SMYD3: variants seen among roughly 807,000 people sequenced by gnomAD.
SMYD3 encodes histone-lysine N-methyltransferase SMYD3.
A neutral mutation model predicts 57.7 loss-of-function variants in SMYD3; 36 were observed. The observed-to-expected ratio is 0.62, with a 90% CI of 0.48 to 0.82. The LOEUF (loss-of-function observed/expected upper bound fraction) is 0.82. SMYD3 is among the 40% of genes least tolerant of loss of function. The pLI, the probability that SMYD3 is intolerant of heterozygous loss-of-function variation, is 0.00. For synonymous variants in SMYD3, 211 were observed against 195.0 expected (o/e 1.08, Z -0.68); for missense variants, 515 against 538.8 (o/e 0.96, Z 0.44).
chr1:246,312,939 G>A (rs946156538), intron 5 of SMYD3, among the ~76,000 whole-genome samples: 4 of 151,984 alleles, frequency 2.6e-5, no homozygotes, highest in Admixed American at 1.3e-4. Flanking sequence ...TTTTGAGACC[G>A]AGTCTCGCTC....
At chr1:246,022,076 T>G (rs2059481368) in intron 5 of SMYD3, among the ~76,000 whole-genome samples, 1 of 152,180 alleles carries the variant, frequency 6.6e-6, no homozygotes, top group Admixed American at 6.5e-5. Context: ...CTGTGGTCCT[T>G]CGTTAAACAA....
At chr1:246,102,753 A>AT (rs1485067822) in intron 5 of SMYD3, among the ~76,000 whole-genome samples, 219 of 150,856 alleles carry the variant, frequency 1.5e-3, no homozygotes, top group African/African-American at 5.1e-3. Flanking sequence ...CAAAAAAAAA[A>AT]AAAATAATAA....
intron 5 of SMYD3, among the ~76,000 whole-genome samples, chr1:246,091,753 G>A (rs74154363): frequency 6.6e-6 from 1 of 152,196 alleles, no homozygotes; most frequent in African/African-American, 2.4e-5. Flanking sequence ...ATATAGTGCC[G>A]ACAGGTATGA....
chr1:245,848,353 C>G (rs970427570), intron 10 of SMYD3, among the ~76,000 whole-genome samples: 2 of 152,074 alleles, frequency 1.3e-5, no homozygotes, highest in Admixed American at 1.3e-4. Context: ...ATCCTGGGCT[C>G]AAGTGATCTG....
chr1:246,035,022 G>T (rs551224081), intron 5 of SMYD3, among the ~76,000 whole-genome samples: 59 of 152,184 alleles, frequency 3.9e-4, no homozygotes, highest in African/African-American at 1.2e-3. Flanking sequence ...ATAAAATTAG[G>T]AGGAAAGCCT....
chr1:246,166,181 T>C (rs1009599229), intron 5 of SMYD3, among the ~76,000 whole-genome samples: 1 of 152,190 alleles, frequency 6.6e-6, no homozygotes, highest in Non-Finnish European at 1.5e-5. Context: ...GTCATGCTTC[T>C]GGGCAACTTG....
chr1:246,124,852 T>C (rs1038576635), intron 5 of SMYD3, among the ~76,000 whole-genome samples: 2 of 151,980 alleles, frequency 1.3e-5, no homozygotes, highest in African/African-American at 2.4e-5. Context: ...AAACAAAATC[T>C]GGGCGGATCA....
chr1:245,922,953 T>C (rs12562426), intron 7 of SMYD3, among the ~76,000 whole-genome samples: 19,290 of 152,204 alleles, frequency 0.13, 1,504 homozygotes, highest in East Asian at 0.41. Flanking sequence ...TTGGGTTTTG[T>C]TTTTTGTTTT....
chr1:245,840,920 A>G (rs2050371314), intron 10 of SMYD3, among the ~76,000 whole-genome samples: 2 of 152,216 alleles, frequency 1.3e-5, no homozygotes, highest in Non-Finnish European at 2.9e-5. Flanking sequence ...GAAGCAGTGC[A>G]GAGAGCCAAG....
chr1:246,327,291 G>T lies in SMYD3; in HGVS notation c.441C>A (p.Leu147=). ...TCATGAAATGTTGAAATGTCATTAC[G>T]AGTTGCCTGAGGCCCTCTTTCTTAT... ...TEDKKEGLRQ[L]VMTFQHFMRE... is the part of the protein sequence containing the mutation. Residue 147 remains leucine, a synonymous_variant, in exon 5 of 12, where the codon CTC becomes CTA. Transcript: ENST00000490107. 6.2e-7 allele frequency: 1 copy of T among 1,613,942 alleles called. No homozygotes were observed. The highest frequency in any genetic ancestry group is 8.5e-7 in the Non-Finnish European group (1 of 1,179,890).
chr1:246,167,518 T>C (rs1380751470), intron 5 of SMYD3, among the ~76,000 whole-genome samples: 2 of 151,394 alleles, frequency 1.3e-5, no homozygotes, highest in Non-Finnish European at 2.9e-5. Context: ...TTTTCTTTTT[T>C]TTTTTTTTTG....
At chr1:245,957,755 G>A (rs6677927) in intron 5 of SMYD3, among the ~76,000 whole-genome samples, 2,073 of 152,128 alleles carry the variant, frequency 0.014, 41 homozygotes, top group African/African-American at 0.048. Context: ...TTTGCCTTCT[G>A]AGTATCCTCA....
At chr1:246,101,848 T>C (rs536775839) in intron 5 of SMYD3, among the ~76,000 whole-genome samples, 2 of 152,364 alleles carry the variant, frequency 1.3e-5, no homozygotes, top group Non-Finnish European at 1.5e-5. Flanking sequence ...CTCAATGCCC[T>C]GAAAGCAGCC....
intron 5 of SMYD3, among the ~76,000 whole-genome samples, chr1:246,175,664 T>G (rs955941199): frequency 1.3e-5 from 2 of 152,168 alleles, no homozygotes; most frequent in African/African-American, 2.4e-5. Context: ...TTCTAATCTG[T>G]TAGGATTTTG....
chr1:246,051,380 G>A (rs1369959442), intron 5 of SMYD3, among the ~76,000 whole-genome samples: 1 of 152,010 alleles, frequency 6.6e-6, no homozygotes, highest in African/African-American at 2.4e-5. Context: ...CTCTGCTTCT[G>A]AAAGTGCTGG....
chr1:246,282,972 C>T (rs533221092), intron 5 of SMYD3, among the ~76,000 whole-genome samples: 34 of 152,318 alleles, frequency 2.2e-4, no homozygotes, highest in African/African-American at 7.5e-4. Context: ...CCTACCACTG[C>T]TGCAAACTTC....
At chr1:246,502,089 T>C (rs914974161) in intron 1 of SMYD3, among the ~76,000 whole-genome samples, 3 of 151,346 alleles carry the variant, frequency 2.0e-5, no homozygotes, top group Admixed American at 1.3e-4. Context: ...TATTACCCTT[T>C]ATTGCCTGGT....
Position 246,394,847 on chromosome 1 carries a change from G to A in SMYD3, c.165-39753C>T, listed in dbSNP as rs533035646. Among the ~76,000 whole-genome samples, 4 of 151,980 alleles carry A rather than the reference G, an allele frequency of 2.6e-5. No homozygotes were observed. In the East Asian group the frequency reaches 7.8e-4, roughly 29 times the overall value. On this transcript the variant is annotated intron_variant, in intron 1 of 11. Coordinates refer to ENST00000490107, the MANE Select transcript of SMYD3 (RefSeq NM_001167740.2). ...CGAACTCAGCTACTCTTTATTATAT[G>A]AGAGGCTCCTGAACTCAGCTATGCT...
chr1:246,147,624 C>G (rs1278428370), intron 5 of SMYD3, among the ~76,000 whole-genome samples: 1 of 151,812 alleles, frequency 6.6e-6, no homozygotes, highest in Non-Finnish European at 1.5e-5. Flanking sequence ...ATGGAGCAGG[C>G]AGGCGCCCCG....
Sources: allele counts gnomAD v4.1 joint callset (sites outside exome capture counted in the v4.1 genomes callset), GRCh38; gene constraint gnomAD v4.1.1; transcripts MANE v1.5; gene names NCBI Gene and HGNC (gene_info 2026-07-23, HGNC 2026-07-21).